DAP3: variants seen among roughly 807,000 people sequenced by gnomAD.
The protein encoded by DAP3 is small ribosomal subunit protein mS29.
In DAP3, 28 loss-of-function variants were observed where a neutral mutation model predicts 51.9. The observed-to-expected ratio is 0.54, with a 90% confidence interval of 0.40 to 0.74. The LOEUF is 0.74. Ranked by LOEUF, DAP3 falls within the 30% of genes least tolerant of loss-of-function variation. DAP3 has a pLI of 0.00. For synonymous variants in DAP3, 170 were observed against 170.3 expected (o/e 1.00, Z 0.01); for missense variants, 458 against 483.5 (o/e 0.95, Z 0.49).
chr1:155,688,160 G>C, upstream of DAP3: 2 of 1,613,990 alleles, frequency 1.2e-6, no homozygotes, highest in Non-Finnish European at 1.7e-6. Flanking sequence ...GTCCACCGCG[G>C]ATCCCTCCCG....
At position 155,689,165 on chromosome 1, in the gene DAP3, T is replaced by C. The variant is rs559794230; in HGVS notation, c.-17T>C. ...GTCGCCTAGTCTGGAGAACTAGTCC[T>C]CGACTCACGGTGAGGGAATGGACCG... On this transcript the variant is annotated 5_prime_UTR_variant, in exon 1 of 13. Coordinates refer to ENST00000368336, the MANE Select transcript of DAP3 (RefSeq NM_004632.4). The C allele has an allele frequency of 6.0e-3, 4,561 of 756,460 alleles. 31 individuals carry two copies. The highest frequency in any genetic ancestry group is 7.0e-3 in the Non-Finnish European group (3,077 of 438,802). The allele number at this position is 756,460 out of a possible 1,614,324, so 46.9% of individuals were successfully genotyped here.
At position 155,694,895 on chromosome 1, in the gene DAP3, G is replaced by T. The variant is rs1654318762; in HGVS notation, c.-8+5721G>T. 2.0e-5 allele frequency among the ~76,000 whole-genome samples: 3 copies of T among 152,166 alleles called. No homozygotes were observed. The South Asian group carries it at 6.2e-4, about 31-fold the overall frequency. On this transcript the variant is annotated intron_variant, in intron 1 of 12. Coordinates refer to ENST00000368336, the MANE Select transcript of DAP3 (RefSeq NM_004632.4). ...CTGCTATAGTAACCTGATTGCGGAA[G>T]ATGTTCAAAAAATTTAAGGTAACAA...
Position 155,709,756 on chromosome 1 carries a change from T to A in DAP3, c.-7-17T>A. The A allele has an allele frequency of 6.3e-7, 1 of 1,599,980 alleles. No individual in the cohort carries two copies. Among genetic ancestry groups the A allele is most frequent in the Non-Finnish European group, 8.5e-7 (1 of 1,174,220 alleles). On this transcript the variant is annotated splice_polypyrimidine_tract_variant and intron_variant, in intron 1 of 12. Coordinates refer to ENST00000368336, the MANE Select transcript of DAP3 (RefSeq NM_004632.4). ...CATTTGTGGTTTACCTTTTCACTTT[T>A]TTTTTTTTTGTAACAGTGCAAGGAT...
intron 11 of DAP3, among the ~76,000 whole-genome samples, chr1:155,735,822 TCAC>T (rs1659720713): frequency 6.9e-6 from 1 of 144,900 alleles, no homozygotes; most frequent in Admixed American, 6.9e-5. Flanking sequence ...CAGGCACGCA[TCAC>T]CACGCCTGGC....
chr1:155,697,700 A>C (rs1457799804), intron 1 of DAP3, among the ~76,000 whole-genome samples: 1 of 152,178 alleles, frequency 6.6e-6, no homozygotes, highest in Non-Finnish European at 1.5e-5. Context: ...ATGAAGGTCC[A>C]TGTCCCGCTG....
chr1:155,725,034 T>G (rs1299576455), intron 4 of DAP3, among the ~76,000 whole-genome samples: 1 of 152,228 alleles, frequency 6.6e-6, no homozygotes, highest in Admixed American at 6.5e-5. Context: ...TAAGCATTTT[T>G]CTATATGCTT....
intron 1 of DAP3, among the ~76,000 whole-genome samples, chr1:155,691,855 C>T (rs772263706): frequency 5.0e-5 from 7 of 141,082 alleles, no homozygotes; most frequent in Middle Eastern, 3.2e-3. Flanking sequence ...CAGCACCACC[C>T]GTAGGGTATC....
chr1:155,718,955 C>T (rs1265230667), intron 3 of DAP3, among the ~76,000 whole-genome samples: 1 of 152,168 alleles, frequency 6.6e-6, no homozygotes, highest in Admixed American at 6.6e-5. Context: ...TCTCTATACA[C>T]AGCACAGAAG....
chr1:155,688,367 G>A, upstream of DAP3: 1 of 1,546,880 alleles, frequency 6.5e-7, no homozygotes, highest in Non-Finnish European at 8.7e-7. Context: ...CTCCTCCAGA[G>A]GGAGGGAGCT....
At chr1:155,712,181 C>T in intron 2 of DAP3, among the ~76,000 whole-genome samples, 1 of 152,220 alleles carries the variant, frequency 6.6e-6, no homozygotes, top group East Asian at 1.9e-4. Flanking sequence ...TCTAGATTGG[C>T]TCACAAATGC....
At position 155,738,237 on chromosome 1, in the gene DAP3, C is replaced by G. The variant is rs748570143; in HGVS notation, c.1192C>G (p.Leu398Val). The G allele has an allele frequency of 1.9e-6, 3 of 1,614,064 alleles. No homozygotes were observed. Among genetic ancestry groups the G allele is most frequent in the African/African-American group, 2.7e-5 (2 of 74,932 alleles). ...PSLLERHCAYL is the reference protein window; with the variant it reads ...PSLLERHCAYV The stretch of plus-strand genomic sequence containing the variant: ...GCTGCTGGAGCGGCACTGTGCCTAC[C>G]TCTAAGCCAAGATCACAGCATGTGA... Residue 398 changes from leucine to valine, a missense_variant, in exon 13 of 13, where the codon CTC (leucine) becomes GTC (valine). Physicochemically the swap from Leu to Val is conservative, Grantham distance 32. Coordinates refer to ENST00000368336, the MANE Select transcript of DAP3 (RefSeq NM_004632.4).
intron 9 of DAP3, 71 bp from the exon 10 acceptor site, chr1:155,731,285 G>T: frequency 1.5e-5 from 22 of 1,422,748 alleles, no homozygotes; most frequent in Admixed American, 9.0e-5. Flanking sequence ...AAAAATTGTT[G>T]TCAATTGTTT....
rs947849567 is a variant in DAP3 at position 155,731,385 on chromosome 1, C to A, written c.873C>A (p.His291Gln). 5 of 1,613,908 alleles carry A rather than the reference C, an allele frequency of 3.1e-6. No individual in the cohort carries two copies. The Admixed American group carries it at 8.3e-5, about 27-fold the overall frequency. Reference sequence around the variant, plus strand: ...CCCCCGAGGAATTAGCACTTGTTCACAACTTGAGGAAAATGATGAAAAATG... The same window carrying A: ...CCCCCGAGGAATTAGCACTTGTTCAAAACTTGAGGAAAATGATGAAAAATG... ...PIAPEELALVHNLRKMMKNDW... is the reference protein window; with the variant it reads ...PIAPEELALVQNLRKMMKNDW... Residue 291 changes from histidine (H) to glutamine (Q), a missense_variant, in exon 10 of 13, where the codon CAC becomes CAA. Transcript: ENST00000368336.
intron 11 of DAP3, among the ~76,000 whole-genome samples, chr1:155,732,537 C>T (rs1557800699): frequency 1.3e-5 from 2 of 152,054 alleles, no homozygotes; most frequent in African/African-American, 4.8e-5. Flanking sequence ...GGCCTTGATG[C>T]TTCTTTGTCT....
chr1:155,731,828 A>G, intron 10 of DAP3, 116 bp from the exon 11 acceptor site: 2 of 1,042,070 alleles, frequency 1.9e-6, no homozygotes, highest in Non-Finnish European at 2.8e-6. Context: ...ACTGTGCTAG[A>G]CCACACTTTT....
At chr1:155,688,435 C>T (rs1217469176), upstream of DAP3, 6 of 1,547,382 alleles carry the variant, frequency 3.9e-6, no homozygotes, top group African/African-American at 6.8e-5. Flanking sequence ...TTCTTCCCCA[C>T]GGTCCCCCGC....
At chr1:155,717,204 CTG>C in intron 3 of DAP3, 76 bp downstream of exon 3, 1 of 1,573,134 alleles carries the variant, frequency 6.4e-7, no homozygotes, top group Non-Finnish European at 8.6e-7. Context: ...CATAGGAAAA[CTG>C]AAACTGAAAG....
At chr1:155,691,660 A>T (rs948854675) in intron 1 of DAP3, among the ~76,000 whole-genome samples, 1 of 141,878 alleles carries the variant, frequency 7.0e-6, no homozygotes, top group African/African-American at 3.2e-5. Flanking sequence ...GGAACTGCCA[A>T]ACTTTTCCAA....
intron 1 of DAP3, among the ~76,000 whole-genome samples, chr1:155,697,155 C>G (rs1056077219): frequency 1.3e-5 from 2 of 152,202 alleles, no homozygotes; most frequent in African/African-American, 4.8e-5. Flanking sequence ...TCGACCCAGA[C>G]AGGATGCTGC....
Sources: gnomAD v4.1 joint callset for allele counts (sites outside exome capture counted in the v4.1 genomes callset) on GRCh38, gnomAD v4.1.1 for gene constraint, MANE v1.5 for transcripts, NCBI Gene and HGNC (gene_info 2026-07-23, HGNC 2026-07-21) for gene names.